CENPS: variants seen among roughly 807,000 people sequenced by gnomAD.
CENPS encodes FANCM associated histone fold protein 1.
A neutral mutation model predicts 17.9 loss-of-function variants in CENPS; 16 were observed. The ratio of observed to expected loss-of-function variants is 0.90; its 90% CI spans 0.61 to 1.36. The LOEUF (loss-of-function observed/expected upper bound fraction) is 1.36. Among genes scored for constraint, CENPS ranks in the 40% most tolerant of loss-of-function variants. CENPS has a pLI of 0.00. For missense variants in CENPS, 160 were observed against 158.6 expected, an observed-to-expected ratio of 1.01 and a Z score of -0.05; for synonymous variants, 49 against 55.8, an observed-to-expected ratio of 0.88 and a Z score of 0.54.
At chr1:10,430,854 A>C in intron 1 of CENPS, 4 of 1,318,404 alleles carry the variant, frequency 3.0e-6, no homozygotes, top group Non-Finnish European at 2.9e-6. Context: ...CTTGCGATGA[A>C]TCCTCGGTTT....
chr1:10,440,127 G>A, intron 3 of CENPS: 1 of 592,754 alleles, frequency 1.7e-6, no homozygotes, highest in African/African-American at 1.9e-5. Context: ...CCTAAGCGGA[G>A]GTGGAGAGAT....
intron 1 of CENPS, chr1:10,431,223 G>T: frequency 2.0e-6 from 3 of 1,526,088 alleles, no homozygotes; most frequent in Middle Eastern, 3.9e-4. Flanking sequence ...GAACGTTGCC[G>T]TGAAGAGGCT....
rs1308160578 is a variant in CENPS at position 10,431,251 on chromosome 1, G to A, written c.51+683G>A. ...AAGAGGCTTAAAAGCAAGACCCGGA[G>A]TGGCGACCTTAAAGAGGACGGACTG... is the stretch of plus-strand genomic sequence containing the variant. On this transcript the variant is annotated intron_variant, in intron 1 of 4. Coordinates refer to ENST00000309048, the MANE Select transcript of CENPS (RefSeq NM_199294.3). 3.9e-6 allele frequency: 6 copies of A among 1,534,524 alleles called. No homozygotes were observed. In the East Asian group the frequency reaches 1.5e-4, roughly 38 times the overall value.
rs661256 is a variant in CENPS, at chr1:10,430,482, G to C, written c.-36G>C. ...TGGCCGCGCACCACCGCCCCTTCTC[G>C]GCCCTCCTGCGTTTGCCCAGGGTCG... On this transcript the variant is annotated 5_prime_UTR_variant, in exon 1 of 5. Transcript: ENST00000309048. The C allele has an allele frequency of 0.087, 133,930 of 1,531,672 alleles. 7,352 individuals carry two copies. The highest frequency in any genetic ancestry group is 0.19 in the African/African-American group (13,503 of 69,926). The allele number at this position is 1,531,672 out of a possible 1,614,324, so 94.9% of individuals were successfully genotyped here. A position where few individuals can be genotyped will look rare whatever the true frequency, so the allele number is the denominator to read the frequency against.
At chr1:10,433,323 G>T (rs1054896263) in intron 1 of CENPS, among the ~76,000 whole-genome samples, 11 of 152,202 alleles carry the variant, frequency 7.2e-5, no homozygotes, top group African/African-American at 2.7e-4. Flanking sequence ...GAGAGGGGTG[G>T]GTGTGCCCTC....
intron 1 of CENPS, chr1:10,431,054 C>G: frequency 1.5e-6 from 2 of 1,355,994 alleles, no homozygotes; most frequent in East Asian, 3.1e-5. Context: ...GATGTGGGTT[C>G]GAATCTCTGC....
chr1:10,441,268 C>T (rs567036431), intron 4 of CENPS, among the ~76,000 whole-genome samples: 6 of 148,208 alleles, frequency 4.0e-5, no homozygotes, highest in South Asian at 4.3e-4. Flanking sequence ...GCAGTCCTCC[C>T]GCCTTGGTTT....
chr1:10,432,708 G>C (rs75615671), intron 1 of CENPS, among the ~76,000 whole-genome samples: 1,650 of 152,182 alleles, frequency 0.011, 17 homozygotes, highest in Non-Finnish European at 0.018. Flanking sequence ...TTCATGTCCT[G>C]TACCCTGACC....
At position 10,433,965 on chromosome 1, in the gene CENPS, G is replaced by A. The variant is rs1476446548; in HGVS notation, c.175G>A (p.Glu59Lys). The change falls in exon 2 of 5, where the codon GAA (glutamate) becomes AAA (lysine). Residue 59 changes from glutamate (E) to lysine (K), a missense_variant and splice_region_variant. Coordinates refer to ENST00000309048, the MANE Select transcript of CENPS (RefSeq NM_199294.3). ...AISELTFRQC[E>K]NFAKDLEMFA... ...TTCGGAGCTGACTTTCCGACAGTGT[G>A]GTATGAAGCTTCGGCCTCCCCAGCC... 1.2e-6 allele frequency: 2 copies of A among 1,614,160 alleles called. No individual in the cohort carries two copies. The highest frequency in any genetic ancestry group is 2.2e-5 in the South Asian group (2 of 91,072).
In CENPS at chr1:10,430,548, C is replaced by A. The variant is rs1639852589; in HGVS notation, c.31C>A (p.Gln11Lys). Reference sequence around the variant, plus strand: ...GGAGGAGGCGGAGACCGAGGAGCAGCAGCGATTCTCTTACCAACAGGTACA... The same window carrying A: ...GGAGGAGGCGGAGACCGAGGAGCAGAAGCGATTCTCTTACCAACAGGTACA... MEEEAETEEQQRFSYQQRLKA... is the reference protein window; with the variant it reads MEEEAETEEQKRFSYQQRLKA... Residue 11 changes from glutamine to lysine, a missense_variant, in exon 1 of 5, where the codon CAG (glutamine) becomes AAG (lysine). Physicochemically the swap from Gln to Lys is moderately conservative, Grantham distance 53. Coordinates refer to ENST00000309048, the MANE Select transcript of CENPS (RefSeq NM_199294.3). 6.5e-7 allele frequency: 1 copy of A among 1,534,994 alleles called. No homozygotes were observed. Among genetic ancestry groups the A allele is most frequent in the Non-Finnish European group, 8.8e-7 (1 of 1,141,374 alleles).
intron 3 of CENPS, among the ~76,000 whole-genome samples, chr1:10,435,710 T>TACACACACACACACACACACACACACAC (rs778086497): frequency 7.7e-5 from 11 of 143,468 alleles, no homozygotes; most frequent in African/African-American, 2.4e-4. Flanking sequence ...ATAATATATA[T>TACACACACACACACACACACACACACAC]ATATATACAC....
chr1:10,430,772 T>A, intron 1 of CENPS: 1 of 1,389,514 alleles, frequency 7.2e-7, no homozygotes, highest in Non-Finnish European at 9.3e-7. Context: ...TGGCCTGCGC[T>A]GGCTGGGGAG....
rs368819717 is a variant in CENPS at position 10,438,179 on chromosome 1, C to T, written c.210-2168C>T. Among the ~76,000 whole-genome samples the T allele has an allele frequency of 2.3e-4, 35 of 152,352 alleles. 1 individual carries two copies. The South Asian group carries it at 6.2e-3, about 27-fold the overall frequency. On this transcript the variant is annotated intron_variant, in intron 3 of 4. Transcript: ENST00000309048. The stretch of plus-strand genomic sequence containing the variant: ...TTGTTTTTTGAGACGGAGTCTCACT[C>T]TGTCACCCAGGCTGGAGTGCAGTGG...
Position 10,442,304 on chromosome 1 carries a change from A to G in CENPS, c.316A>G (p.Ile106Val). The G allele has an allele frequency of 1.2e-6, 2 of 1,603,124 alleles. No individual in the cohort carries two copies. Among genetic ancestry groups the G allele is most frequent in the Non-Finnish European group, 1.7e-6 (2 of 1,177,470 alleles). ...ITDKSEEIAQ[I>V]NLERKAQKKK... ...AGACAAAAGTGAAGAGATTGCTCAG[A>G]TTAACCTAGAACGAAAAGCACAGAA... is the stretch of plus-strand genomic sequence containing the variant. Residue 106 changes from isoleucine to valine, a missense_variant, in exon 5 of 5, where the codon ATT becomes GTT. Transcript: ENST00000309048.
Position 10,442,607 on chromosome 1 carries a change from A to G in CENPS, c.*202A>G. On this transcript the variant is annotated 3_prime_UTR_variant, in exon 5 of 5. Transcript: ENST00000309048. ...TTAGAGAATGAGAAAGTCTTAAGCA[A>G]AATACTCCCAGGTCTCACTCCAGAA... is the stretch of plus-strand genomic sequence containing the variant. 1.2e-6 allele frequency: 1 copy of G among 850,858 alleles called. No individual in the cohort carries two copies. Among genetic ancestry groups the G allele is most frequent in the Non-Finnish European group, 1.6e-6 (1 of 636,138 alleles). 52.7% of individuals were successfully genotyped at this position (850,858 alleles called of 1,614,324 possible). A position where few individuals can be genotyped will look rare whatever the true frequency, so the allele number is the denominator to read the frequency against.
chr1:10,442,169 C>G, intron 4 of CENPS, 96 bp from the exon 5 acceptor site: 1 of 1,438,492 alleles, frequency 7.0e-7, no homozygotes, highest in Non-Finnish European at 9.2e-7. Context: ...TTCTTTGAGT[C>G]AGAGGTGGTT....
chr1:10,431,985 G>T (rs895716877), intron 1 of CENPS, among the ~76,000 whole-genome samples: 1 of 151,884 alleles, frequency 6.6e-6, no homozygotes, highest in African/African-American at 2.4e-5. Flanking sequence ...TTGTCCTAAA[G>T]ATGTTTCTTT....
intron 3 of CENPS, among the ~76,000 whole-genome samples, chr1:10,438,929 A>G (rs1178307657): frequency 6.6e-6 from 1 of 152,184 alleles, no homozygotes; most frequent in African/African-American, 2.4e-5. Context: ...TGCACTTAAC[A>G]TTCTCCACCC....
At chr1:10,438,566 G>T (rs1030777845) in intron 3 of CENPS, among the ~76,000 whole-genome samples, 1 of 152,180 alleles carries the variant, frequency 6.6e-6, no homozygotes, top group South Asian at 2.1e-4. Flanking sequence ...TTTGGGAATC[G>T]TCTTTAAAGC....
Sources: gnomAD v4.1 joint callset for allele counts (sites outside exome capture counted in the v4.1 genomes callset) on GRCh38, gnomAD v4.1.1 for gene constraint, MANE v1.5 for transcripts, NCBI Gene and HGNC (gene_info 2026-07-23, HGNC 2026-07-21) for gene names.